ZFHX3: variants seen among roughly 807,000 people sequenced by gnomAD.
ZFHX3 encodes the protein zinc finger homeobox protein 3.
ZFHX3 carries 42 observed loss-of-function variants against 279.1 expected under a neutral mutation model. The observed-to-expected ratio is 0.15, with a 90% CI of 0.12 to 0.19. The LOEUF is 0.19. Ranked by LOEUF, ZFHX3 falls within the 10% of genes least tolerant of loss-of-function variation. The probability of loss-of-function intolerance (pLI) is 1.00; values close to 1 mark genes in which losing one functional copy is unlikely to be tolerated. For missense variants in ZFHX3, 4,981 were observed against 4,754.0 expected, an observed-to-expected ratio of 1.05 and a Z score of -1.40; for synonymous variants, 2,293 against 1,957.8, an observed-to-expected ratio of 1.17 and a Z score of -4.52.
At chr16:73,843,809 C>T (rs1381962152) in intron 1 of ZFHX3, among the ~76,000 whole-genome samples, 1 of 152,204 alleles carries the variant, frequency 6.6e-6, no homozygotes, top group African/African-American at 2.4e-5. Context: ...TCCTTCGCAG[C>T]TACTCAACTC....
At chr16:73,761,129 G>T (rs372120976) in intron 1 of ZFHX3, among the ~76,000 whole-genome samples, 3 of 151,918 alleles carry the variant, frequency 2.0e-5, no homozygotes, top group Non-Finnish European at 4.4e-5. Context: ...AAGCAACTTC[G>T]GCAAAGCCTC....
chr16:73,664,872 G>T (rs1465669399), intron 2 of ZFHX3, among the ~76,000 whole-genome samples: 2 of 152,020 alleles, frequency 1.3e-5, no homozygotes, highest in African/African-American at 4.8e-5. Context: ...ATATTTTTTT[G>T]CACACAGCTA....
intron 1 of ZFHX3, among the ~76,000 whole-genome samples, chr16:73,016,291 G>C (rs1211538515): frequency 6.6e-6 from 1 of 152,112 alleles, no homozygotes; most frequent in East Asian, 1.9e-4. Flanking sequence ...TGGTTTTTAA[G>C]GTCGGAGTAA....
intron 1 of ZFHX3, among the ~76,000 whole-genome samples, chr16:73,835,247 C>T (rs1961106880): frequency 6.6e-6 from 1 of 152,042 alleles, no homozygotes; most frequent in Admixed American, 6.6e-5. Context: ...TTCTAAGAGA[C>T]CTAGGATGGA....
chr16:72,875,817 G>T (rs2038295643), intron 4 of ZFHX3, among the ~76,000 whole-genome samples: 1 of 152,152 alleles, frequency 6.6e-6, no homozygotes, highest in Admixed American at 6.5e-5. Context: ...TCATTATCAG[G>T]TGATGCAACA....
intron 5 of ZFHX3, among the ~76,000 whole-genome samples, chr16:73,214,598 T>C (rs1597224057): frequency 6.6e-6 from 1 of 152,308 alleles, no homozygotes; most frequent in East Asian, 1.9e-4. Flanking sequence ...TTCATGGTGT[T>C]GACCTCTTCA....
At chr16:73,795,295 G>C (rs531916980) in intron 1 of ZFHX3, among the ~76,000 whole-genome samples, 9 of 152,208 alleles carry the variant, frequency 5.9e-5, no homozygotes, top group African/African-American at 1.4e-4. Flanking sequence ...TGCTTGAATA[G>C]AGCAGATTCA....
intron 3 of ZFHX3, among the ~76,000 whole-genome samples, chr16:72,918,015 G>A (rs1019350135): frequency 8.1e-6 from 1 of 123,602 alleles, no homozygotes; most frequent in Non-Finnish European, 1.7e-5. Flanking sequence ...CCAGGTTGAG[G>A]GGACAAGGAG....
At chr16:72,873,231 T>C (rs1404083414) in intron 4 of ZFHX3, among the ~76,000 whole-genome samples, 1 of 152,202 alleles carries the variant, frequency 6.6e-6, no homozygotes, top group East Asian at 1.9e-4. Flanking sequence ...GCAACCAGTA[T>C]TTACAACTAA....
At chr16:73,193,938 A>G (rs952270486) in intron 5 of ZFHX3, among the ~76,000 whole-genome samples, 1 of 152,204 alleles carries the variant, frequency 6.6e-6, no homozygotes, top group Admixed American at 6.5e-5. Flanking sequence ...TCATGAGTCA[A>G]ATGTTTGTGG....
chr16:73,273,504 A>G (rs1281384703), intron 4 of ZFHX3, among the ~76,000 whole-genome samples: 1 of 152,206 alleles, frequency 6.6e-6, no homozygotes, highest in Admixed American at 6.5e-5. Flanking sequence ...TATAAAACAC[A>G]TATAATACAA....
chr16:73,730,314 C>T (rs933331756), intron 1 of ZFHX3, among the ~76,000 whole-genome samples: 13 of 119,206 alleles, frequency 1.1e-4, no homozygotes. Context: ...ACAACAAAAT[C>T]ACTCAATGAT....
At chr16:73,056,456 A>G (rs1425673827) in intron 1 of ZFHX3, among the ~76,000 whole-genome samples, 1 of 151,328 alleles carries the variant, frequency 6.6e-6, no homozygotes, top group Non-Finnish European at 1.5e-5. Flanking sequence ...CAAACTCCCA[A>G]CCCCTAGGTC....
In ZFHX3 at chr16:73,543,906, G is replaced by A. The variant is rs1362564819; in HGVS notation, c.-1546-87648C>T. The A allele has an allele frequency of 2.8e-5, 4 of 141,900 alleles. No individual in the cohort carries two copies. In the East Asian group the frequency reaches 7.7e-4, roughly 27 times the overall value. 8.8% of individuals were successfully genotyped at this position (141,900 alleles called of 1,614,324 possible). ...AGAGGGAGAGAGAGAGAGAGAGAGA[G>A]AGAGACAGAGGGAGAGAGGCAGAGG... On this transcript the variant is annotated intron_variant, in intron 2 of 17. Transcript: ENST00000641206.
intron 1 of ZFHX3, among the ~76,000 whole-genome samples, chr16:73,726,665 A>C (rs2053521413): frequency 6.6e-6 from 1 of 152,122 alleles, no homozygotes; most frequent in African/African-American, 2.4e-5. Flanking sequence ...GCAGAAGGCA[A>C]AGCAGGAGCT....
At chr16:73,717,405 C>T (rs1486918067) in intron 1 of ZFHX3, among the ~76,000 whole-genome samples, 3 of 152,180 alleles carry the variant, frequency 2.0e-5, no homozygotes, top group Non-Finnish European at 4.4e-5. Context: ...CTCCCTGCCC[C>T]AGTGCCCTCC....
intron 7 of ZFHX3, among the ~76,000 whole-genome samples, chr16:72,808,398 C>A (rs1227784655): frequency 2.0e-5 from 3 of 152,136 alleles, no homozygotes; most frequent in African/African-American, 7.2e-5. Context: ...TGGCTCAATG[C>A]AAACTATCCC....
intron 1 of ZFHX3, among the ~76,000 whole-genome samples, chr16:73,839,661 GTTCTC>G (rs1961248062): frequency 6.6e-6 from 1 of 152,164 alleles, no homozygotes; most frequent in African/African-American, 2.4e-5. Flanking sequence ...CAGAATTAAA[GTTCTC>G]TTCACTTCCC....
At chr16:73,384,983 A>G (rs1198161561) in intron 3 of ZFHX3, among the ~76,000 whole-genome samples, 1 of 152,192 alleles carries the variant, frequency 6.6e-6, no homozygotes, top group Non-Finnish European at 1.5e-5. Context: ...GACTTCTGTG[A>G]AAACAATGTT....
Sources: allele counts gnomAD v4.1 joint callset (sites outside exome capture counted in the v4.1 genomes callset), GRCh38; gene constraint gnomAD v4.1.1; transcripts MANE v1.5; gene names NCBI Gene and HGNC (gene_info 2026-07-23, HGNC 2026-07-21).